The following WDPCP variants were observed in gnomAD, a reference collection of about 807,000 sequenced individuals.
The protein encoded by WDPCP is WD repeat containing planar cell polarity effector.
In WDPCP, 71 loss-of-function variants were observed where a neutral mutation model predicts 93.1. The ratio of observed to expected loss-of-function variants is 0.76; its 90% CI spans 0.63 to 0.93. WDPCP has a LOEUF of 0.93. Among genes scored for constraint, WDPCP ranks in the 40% least tolerant of loss-of-function variants. The probability of loss-of-function intolerance (pLI) is 0.00; values close to 1 mark genes in which losing one functional copy is unlikely to be tolerated. For missense variants in WDPCP, 844 were observed against 887.4 expected, an observed-to-expected ratio of 0.95 and a Z score of 0.62; for synonymous variants, 315 against 315.0, an observed-to-expected ratio of 1.00 and a Z score of 0.00.
At chr2:63,203,175 A>T (rs1239657007) in intron 14 of WDPCP, among the ~76,000 whole-genome samples, 1 of 152,126 alleles carries the variant, frequency 6.6e-6, no homozygotes, top group Non-Finnish European at 1.5e-5. Flanking sequence ...TTTTAAAAAA[A>T]ATTTTTGTGG....
intron 3 of WDPCP, among the ~76,000 whole-genome samples, chr2:63,616,088 A>G (rs1709670610): frequency 6.6e-6 from 1 of 152,202 alleles, no homozygotes; most frequent in South Asian, 2.1e-4. Context: ...TTCTATCTTT[A>G]TGGAACATAC....
rs568974639 is a variant in WDPCP, at chr2:63,708,988, A to C, written n.309-58150T>G. Among the ~76,000 whole-genome samples, 30 of 126,392 alleles carry C rather than the reference A, an allele frequency of 2.4e-4. No individual in the cohort carries two copies. The East Asian group carries it at 7.5e-3, about 32-fold the overall frequency. 82.9% of individuals were successfully genotyped at this position (126,392 alleles called of 152,430 possible). ...GTAATCCCAGTACTTTGGGAGGCCG[A>C]GGGGGGTGGATCATTTGAGGTCAGG... On this transcript the variant is annotated intron_variant and non_coding_transcript_variant, in intron 2 of 4. Transcript: ENST00000467687.
intron 2 of WDPCP, among the ~76,000 whole-genome samples, chr2:63,773,098 T>C (rs961134785): frequency 2.6e-5 from 4 of 152,010 alleles, no homozygotes; most frequent in Admixed American, 1.3e-4. Context: ...TTCACTCCTA[T>C]ATATATATCC....
chr2:63,384,284 G>A (rs1012304473), intron 10 of WDPCP, among the ~76,000 whole-genome samples: 1 of 152,106 alleles, frequency 6.6e-6, no homozygotes, highest in Non-Finnish European at 1.5e-5. Context: ...GAAAAAAAGA[G>A]AGATGATACA....
intron 1 of WDPCP, among the ~76,000 whole-genome samples, chr2:63,825,205 T>C (rs1179203598): frequency 1.3e-5 from 2 of 152,190 alleles, no homozygotes; most frequent in African/African-American, 2.4e-5. Flanking sequence ...CTTAATTTAA[T>C]ACATATCCTC....
rs569097536 is a variant in WDPCP, at chr2:63,298,277, C to T, written c.1812+14971G>A. On this transcript the variant is annotated intron_variant, in intron 13 of 17. Coordinates refer to ENST00000272321, the MANE Select transcript of WDPCP (RefSeq NM_015910.7). ...CATATCTTTGGTTATTTGAAGGGATCGGTTACATTGCTGTGGGGATAGCCA... is the reference window on the plus strand; with the variant it reads ...CATATCTTTGGTTATTTGAAGGGATTGGTTACATTGCTGTGGGGATAGCCA... Among the ~76,000 whole-genome samples the T allele has an allele frequency of 8.6e-5, 13 of 151,964 alleles. No homozygotes were observed. In the South Asian group the frequency reaches 1.9e-3, roughly 22 times the overall value.
chr2:63,207,141 A>G (rs1365833778), intron 14 of WDPCP, among the ~76,000 whole-genome samples: 5 of 152,306 alleles, frequency 3.3e-5, no homozygotes, highest in Admixed American at 2.0e-4. Flanking sequence ...TATGCTTATC[A>G]CTAGTCCTTA....
At chr2:63,170,411 TACAGACATGTGCCATC>T (rs1485788640) in intron 15 of WDPCP, among the ~76,000 whole-genome samples, 1 of 152,026 alleles carries the variant, frequency 6.6e-6, no homozygotes, top group Non-Finnish European at 1.5e-5. Flanking sequence ...GAGCTGGGAT[TACAGACATGTGCCATC>T]ACACCAGGCT....
chr2:63,729,127 T>C (rs985987305), intron 2 of WDPCP, among the ~76,000 whole-genome samples: 1 of 152,148 alleles, frequency 6.6e-6, no homozygotes, highest in Non-Finnish European at 1.5e-5. Flanking sequence ...AATAAAATTA[T>C]TCCTGAAAAA....
Position 63,760,826 on chromosome 2 carries a change from A to G in WDPCP, n.308+52796T>C, listed in dbSNP as rs543766013. 3.5e-4 allele frequency among the ~76,000 whole-genome samples: 53 copies of G among 152,254 alleles called. No homozygotes were observed. In the South Asian group the frequency reaches 0.011, roughly 32 times the overall value. On this transcript the variant is annotated intron_variant and non_coding_transcript_variant, in intron 2 of 4. Coordinates refer to the WDPCP transcript ENST00000467687. ...AAATTCTGCTTTCCTTGTGGGGTAC[A>G]TGTATGAGTTCTTCAGAGTCAAGGC...
intron 15 of WDPCP, among the ~76,000 whole-genome samples, chr2:63,157,672 T>C (rs889510444): frequency 6.6e-6 from 1 of 152,206 alleles, no homozygotes; most frequent in Non-Finnish European, 1.5e-5. Context: ...CTTATTTGCA[T>C]ACAGTAGTTC....
At chr2:63,777,722 T>C (rs1307873831) in intron 2 of WDPCP, among the ~76,000 whole-genome samples, 2 of 152,154 alleles carry the variant, frequency 1.3e-5, no homozygotes, top group African/African-American at 4.8e-5. Flanking sequence ...CAAACTGTTC[T>C]ATAGTGACAA....
intron 2 of WDPCP, among the ~76,000 whole-genome samples, chr2:63,489,388 T>C (rs1700742569): frequency 6.6e-6 from 1 of 152,140 alleles, no homozygotes; most frequent in African/African-American, 2.4e-5. Context: ...GATGTAAATA[T>C]GTGTGTATAC....
chr2:63,408,541 A>G (rs2105237473), intron 9 of WDPCP, among the ~76,000 whole-genome samples: 1 of 152,296 alleles, frequency 6.6e-6, no homozygotes, highest in South Asian at 2.1e-4. Context: ...GGAAATCTCT[A>G]GCTGAACTGT....
At chr2:63,394,424 T>C (rs1419300390) in intron 10 of WDPCP, among the ~76,000 whole-genome samples, 1 of 151,924 alleles carries the variant, frequency 6.6e-6, no homozygotes, top group African/African-American at 2.4e-5. Context: ...AGAGGATGCT[T>C]ATACACTGCT....
chr2:63,159,416 G>A (rs536749982), intron 15 of WDPCP, among the ~76,000 whole-genome samples: 1 of 151,948 alleles, frequency 6.6e-6, no homozygotes, highest in Admixed American at 6.6e-5. Flanking sequence ...AATGATTGTT[G>A]GAGCTCCTTA....
At chr2:63,126,146 C>G (rs953731269) in intron 17 of WDPCP, among the ~76,000 whole-genome samples, 6 of 151,894 alleles carry the variant, frequency 4.0e-5, no homozygotes, top group Admixed American at 6.6e-5. Flanking sequence ...TTTGGCCAGG[C>G]TGGTCTTGAA....
At chr2:63,476,744 G>A (rs930476443) in intron 6 of WDPCP, among the ~76,000 whole-genome samples, 1 of 152,022 alleles carries the variant, frequency 6.6e-6, no homozygotes, top group Admixed American at 6.6e-5. Flanking sequence ...TTGAAAACAT[G>A]GTATGTCTAT....
chr2:63,620,916 G>C (rs924932235), intron 3 of WDPCP, among the ~76,000 whole-genome samples: 2 of 152,194 alleles, frequency 1.3e-5, no homozygotes, highest in African/African-American at 4.8e-5. Flanking sequence ...CAGCAGACCT[G>C]AGCAGAGGGG....
Sources: allele counts gnomAD v4.1 joint callset (sites outside exome capture counted in the v4.1 genomes callset), GRCh38; gene constraint gnomAD v4.1.1; transcripts MANE v1.5; gene names NCBI Gene and HGNC (gene_info 2026-07-23, HGNC 2026-07-21).